Variants in TTC28 observed in about 807,000 individuals in gnomAD.
TTC28 encodes tetratricopeptide repeat domain 28, also known as tetratricopeptide repeat protein 28.
TTC28 carries 61 observed loss-of-function variants against 198.0 expected under a neutral mutation model. The ratio of observed to expected loss-of-function variants is 0.31; its 90% CI spans 0.25 to 0.38. TTC28 has a LOEUF of 0.38. Ranked by LOEUF, TTC28 falls within the 10% of genes least tolerant of loss-of-function variation. TTC28 has a pLI of 1.00. For synonymous variants in TTC28, 1,171 were observed against 1,297.8 expected, an observed-to-expected ratio of 0.90 and a Z score of 2.10; for missense variants, 2,678 against 3,164.0, an observed-to-expected ratio of 0.85 and a Z score of 3.69.
intron 2 of TTC28, among the ~76,000 whole-genome samples, chr22:28,386,175 T>A (rs1233074614): frequency 7.0e-6 from 1 of 142,626 alleles, no homozygotes; most frequent in Non-Finnish European, 1.5e-5. Context: ...CTTGGGAGGC[T>A]GAGGCAGGAG....
At chr22:28,289,729 A>T (rs574716249) in intron 5 of TTC28, among the ~76,000 whole-genome samples, 45 of 152,268 alleles carry the variant, frequency 3.0e-4, no homozygotes, top group East Asian at 3.9e-4. Flanking sequence ...ATAAAATTTT[A>T]AAAAAAATTT....
At chr22:28,173,850 A>C (rs547798865) in intron 5 of TTC28, among the ~76,000 whole-genome samples, 1 of 152,090 alleles carries the variant, frequency 6.6e-6, no homozygotes, top group Admixed American at 6.6e-5. Context: ...TTTTTCCCTT[A>C]CCATATGTAT....
chr22:27,981,961 C>CAA lies in TTC28; in HGVS notation c.*258_*259dup, dbSNP rs1937035586. The CAA allele has an allele frequency of 2.5e-6, 1 of 398,272 alleles. No homozygotes were observed. Among genetic ancestry groups the CAA allele is most frequent in the Non-Finnish European group, 4.4e-6 (1 of 226,222 alleles). 24.7% of individuals were successfully genotyped at this position (398,272 alleles called of 1,614,324 possible). A position where few individuals can be genotyped will look rare whatever the true frequency, so the allele number is the denominator to read the frequency against. ...GAGAAGCAGGGAGTTCAAAGGTAAA[C>CAA]AAACATTTGGTGAAGTGTGTAGGAA... On this transcript the variant is annotated 3_prime_UTR_variant, in exon 23 of 23. Coordinates refer to ENST00000397906, the MANE Select transcript of TTC28 (RefSeq NM_001145418.2).
intron 2 of TTC28, among the ~76,000 whole-genome samples, chr22:28,442,733 G>A (rs11703980): frequency 0.18 from 27,789 of 152,196 alleles, 3,248 homozygotes; most frequent in Non-Finnish European, 0.26. Context: ...TCGTCCCTAA[G>A]GGACTGATGC....
intron 5 of TTC28, among the ~76,000 whole-genome samples, chr22:28,266,367 C>G (rs1931685725): frequency 6.6e-6 from 1 of 151,686 alleles, no homozygotes; most frequent in East Asian, 1.9e-4. Flanking sequence ...CTGCGTGTAT[C>G]ATTTTCAGTC....
intron 1 of TTC28, among the ~76,000 whole-genome samples, chr22:28,652,115 C>G (rs1421957696): frequency 6.6e-6 from 1 of 152,234 alleles, no homozygotes; most frequent in Non-Finnish European, 1.5e-5. Context: ...GCTGGGATTA[C>G]AGGCATGAGC....
At chr22:28,218,516 C>G (rs994041656) in intron 5 of TTC28, among the ~76,000 whole-genome samples, 1 of 151,830 alleles carries the variant, frequency 6.6e-6, no homozygotes, top group Admixed American at 6.6e-5. Flanking sequence ...GATAAAATTT[C>G]TCCAAATATT....
At chr22:28,304,364 A>T (rs193045695) in intron 3 of TTC28, among the ~76,000 whole-genome samples, 7 of 152,178 alleles carry the variant, frequency 4.6e-5, no homozygotes, top group African/African-American at 1.7e-4. Flanking sequence ...GGTCATTAAG[A>T]TGTGGGATGA....
At chr22:28,072,072 G>A (rs550181053) in intron 12 of TTC28, among the ~76,000 whole-genome samples, 21 of 152,292 alleles carry the variant, frequency 1.4e-4, no homozygotes, top group Non-Finnish European at 2.6e-4. Flanking sequence ...CTCTTTGATC[G>A]TCCCAGATGA....
intron 1 of TTC28, among the ~76,000 whole-genome samples, chr22:28,638,347 G>C (rs1296477690): frequency 1.3e-5 from 2 of 151,798 alleles, no homozygotes; most frequent in Non-Finnish European, 2.9e-5. Flanking sequence ...TAAATATTTT[G>C]AAATAAAATT....
intron 5 of TTC28, among the ~76,000 whole-genome samples, chr22:28,201,373 C>A (rs1025511509): frequency 6.6e-6 from 1 of 152,062 alleles, no homozygotes; most frequent in African/African-American, 2.4e-5. Context: ...TGGAGAAGGG[C>A]AGCTGAGGTC....
At chr22:28,348,837 T>C (rs1289325384) in intron 2 of TTC28, among the ~76,000 whole-genome samples, 2 of 152,150 alleles carry the variant, frequency 1.3e-5, no homozygotes, top group Non-Finnish European at 2.9e-5. Context: ...CAGGTCAGTG[T>C]TTCTCTCTAG....
intron 2 of TTC28, among the ~76,000 whole-genome samples, chr22:28,598,170 G>A (rs1293790016): frequency 1.3e-5 from 2 of 151,750 alleles, no homozygotes; most frequent in Non-Finnish European, 2.9e-5. Flanking sequence ...ACCTCACAGG[G>A]TTTAAACCAT....
chr22:28,593,006 A>G (rs1267715630), intron 2 of TTC28, among the ~76,000 whole-genome samples: 2 of 152,192 alleles, frequency 1.3e-5, no homozygotes, highest in African/African-American at 4.8e-5. Flanking sequence ...AAGGAACCAA[A>G]TAAGATTTGG....
intron 2 of TTC28, among the ~76,000 whole-genome samples, chr22:28,553,705 G>A (rs2049738179): frequency 6.6e-6 from 1 of 151,724 alleles, no homozygotes; most frequent in African/African-American, 2.4e-5. Flanking sequence ...AGGGAGGTGG[G>A]GGGTCAGCCC....
At chr22:28,652,809 T>C (rs780511044) in intron 1 of TTC28, among the ~76,000 whole-genome samples, 2 of 152,172 alleles carry the variant, frequency 1.3e-5, no homozygotes, top group Non-Finnish European at 1.5e-5. Context: ...AGGTTAAGCA[T>C]CTCAATATTA....
intron 5 of TTC28, among the ~76,000 whole-genome samples, chr22:28,294,982 T>C (rs2044865072): frequency 6.6e-6 from 1 of 152,190 alleles, no homozygotes; most frequent in Non-Finnish European, 1.5e-5. Context: ...AGTATATCTG[T>C]CTCTAGGAGT....
intron 2 of TTC28, among the ~76,000 whole-genome samples, chr22:28,339,045 G>T (rs959716404): frequency 6.6e-6 from 1 of 152,122 alleles, no homozygotes; most frequent in African/African-American, 2.4e-5. Context: ...TGTACAGATG[G>T]GGTTTTGGTG....
intron 5 of TTC28, among the ~76,000 whole-genome samples, chr22:28,196,721 A>C (rs1205155715): frequency 6.6e-6 from 1 of 152,222 alleles, no homozygotes; most frequent in Admixed American, 6.5e-5. Flanking sequence ...GAGAAATGCA[A>C]ATCAAAACCA....
Sources: gnomAD v4.1 joint callset for allele counts (sites outside exome capture counted in the v4.1 genomes callset) on GRCh38, gnomAD v4.1.1 for gene constraint, MANE v1.5 for transcripts, NCBI Gene and HGNC (gene_info 2026-07-23, HGNC 2026-07-21) for gene names.